The following RBFOX3 variants were observed in gnomAD, a reference collection of about 807,000 sequenced individuals.
RBFOX3 encodes the protein RNA binding fox-1 homolog 3.
Under a neutral mutation model 48.7 loss-of-function variants are expected in RBFOX3, and 17 were observed. That is an observed-to-expected ratio of 0.35 (90% CI 0.24 to 0.52). The LOEUF is 0.52. Among genes scored for constraint, RBFOX3 ranks in the 20% least tolerant of loss-of-function variants. The pLI is 0.94. For synonymous variants in RBFOX3, 212 were observed against 209.5 expected (o/e 1.01, Z -0.10); for missense variants, 382 against 497.5 (o/e 0.77, Z 2.21).
intron 4 of RBFOX3, among the ~76,000 whole-genome samples, chr17:79,190,414 C>CAAA (rs71161650): frequency 2.8e-4 from 26 of 93,518 alleles, no homozygotes; most frequent in African/African-American, 6.1e-4. Flanking sequence ...TCTGTCTCAC[C>CAAA]AAAAAAAAAA....
At chr17:79,447,839 G>A (rs760010372) in intron 2 of RBFOX3, among the ~76,000 whole-genome samples, 86 of 152,302 alleles carry the variant, frequency 5.6e-4, no homozygotes, top group Non-Finnish European at 1.0e-4. Flanking sequence ...TACCCAAATA[G>A]CATGTCAAAC....
chr17:79,129,233 T>C (rs1224482969), intron 4 of RBFOX3, among the ~76,000 whole-genome samples: 3 of 152,186 alleles, frequency 2.0e-5, no homozygotes, highest in Non-Finnish European at 4.4e-5. Flanking sequence ...TTTCATTTAA[T>C]CTTCAATGCG....
intron 2 of RBFOX3, among the ~76,000 whole-genome samples, chr17:79,462,209 G>T (rs1311332047): frequency 6.6e-6 from 1 of 152,136 alleles, no homozygotes; most frequent in Non-Finnish European, 1.5e-5. Flanking sequence ...CAAATAGTAC[G>T]TGGCCAACAA....
chr17:79,165,098 G>GC (rs1277585832), intron 4 of RBFOX3, among the ~76,000 whole-genome samples: 1 of 152,098 alleles, frequency 6.6e-6, no homozygotes, highest in Non-Finnish European at 1.5e-5. Context: ...GGAGGGGGAG[G>GC]CATGGGGAGC....
At chr17:79,318,798 T>A (rs1232274868) in intron 2 of RBFOX3, among the ~76,000 whole-genome samples, 9 of 130,590 alleles carry the variant, frequency 6.9e-5, no homozygotes, top group African/African-American at 2.7e-4. Context: ...AAGTTTGCAG[T>A]GAGCCGAGAT....
chr17:79,620,439 G>GCGCACA, the RBFOX3 span, among the ~76,000 whole-genome samples: 8 of 134,966 alleles, frequency 5.9e-5, no homozygotes, highest in Admixed American at 5.9e-4. Flanking sequence ...GTGCACACAT[G>GCGCACA]CACATGCACA....
rs1050903297 is a variant in RBFOX3, at chr17:79,198,187, G to A, written c.-34+37579C>T. ...ATCCCGGAAGTGCTACGGTTGCATC[G>A]CTGGACCATCCTCAACACTGGACCA... On this transcript the variant is annotated intron_variant, in intron 4 of 14. Transcript: ENST00000693108. This position sits in a 1 kb window ranked among gnomAD's most constrained non-coding sequence, Gnocchi z 8.2. Among the ~76,000 whole-genome samples the A allele has an allele frequency of 3.3e-5, 5 of 152,198 alleles. No individual in the cohort carries two copies. The highest frequency in any genetic ancestry group is 3.4e-3 in the Middle Eastern group (1 of 294).
intron 1 of RBFOX3, among the ~76,000 whole-genome samples, chr17:79,517,460 A>AC (rs1555783679): frequency 2.0e-5 from 3 of 150,788 alleles, no homozygotes; most frequent in African/African-American, 7.3e-5. Flanking sequence ...AAAAAAAAAA[A>AC]ACAAACAAAA....
intron 4 of RBFOX3, among the ~76,000 whole-genome samples, chr17:79,121,592 G>A (rs982325191): frequency 1.3e-5 from 2 of 152,162 alleles, no homozygotes; most frequent in Non-Finnish European, 2.9e-5. Context: ...TGTGACTGAT[G>A]TGTCCAGTCC....
chr17:79,464,068 C>A (rs1353178111), intron 2 of RBFOX3, among the ~76,000 whole-genome samples: 1 of 152,230 alleles, frequency 6.6e-6, no homozygotes, highest in Non-Finnish European at 1.5e-5. Context: ...AACCGTAAGC[C>A]CTTGGCAACC....
chr17:79,294,716 C>T (rs118165510), intron 3 of RBFOX3, among the ~76,000 whole-genome samples: 1,592 of 152,290 alleles, frequency 0.01, 21 homozygotes, highest in South Asian at 0.016. Context: ...GGCCGAACTC[C>T]GGACTGGGGG....
At chr17:79,557,293 C>G (rs1212317117) in intron 1 of RBFOX3, among the ~76,000 whole-genome samples, 1 of 151,374 alleles carries the variant, frequency 6.6e-6, no homozygotes, top group Non-Finnish European at 1.5e-5. Context: ...AGCAGGTAGC[C>G]TGGAATTCCA....
At chr17:79,174,379 ACAC>A (rs897475498) in intron 4 of RBFOX3, among the ~76,000 whole-genome samples, 57 of 151,510 alleles carry the variant, frequency 3.8e-4, no homozygotes, top group African/African-American at 1.4e-3. Flanking sequence ...GCGCACACAC[ACAC>A]ATCCACAATG....
intron 4 of RBFOX3, among the ~76,000 whole-genome samples, chr17:79,210,274 G>A (rs2147099973): frequency 6.6e-6 from 1 of 152,282 alleles, no homozygotes; most frequent in East Asian, 1.9e-4. Flanking sequence ...TTTTTTCAGA[G>A]TTGGACCCCC....
At chr17:79,107,785 C>A (rs1568142285) in intron 5 of RBFOX3, among the ~76,000 whole-genome samples, 1 of 152,234 alleles carries the variant, frequency 6.6e-6, no homozygotes, top group Non-Finnish European at 1.5e-5. Context: ...GCCAGCCTCG[C>A]AGGCTGTTTG....
intron 2 of RBFOX3, among the ~76,000 whole-genome samples, chr17:79,431,107 G>A (rs1437861003): frequency 2.0e-5 from 3 of 152,186 alleles, no homozygotes; most frequent in Admixed American, 6.5e-5. Context: ...AAGCCCGATC[G>A]GTGATCATGG....
chr17:79,483,235 A>G (rs1399203822), intron 1 of RBFOX3, among the ~76,000 whole-genome samples: 1 of 151,902 alleles, frequency 6.6e-6, no homozygotes, highest in African/African-American at 2.4e-5. Flanking sequence ...CCGTGCGCTC[A>G]TAGACAGCTT....
chr17:79,581,789 C>T (rs1252729946), intron 1 of RBFOX3, among the ~76,000 whole-genome samples: 1 of 152,232 alleles, frequency 6.6e-6, no homozygotes, highest in Admixed American at 6.5e-5. Flanking sequence ...AAGCTGGACC[C>T]AGAGGGATTT....
chr17:79,434,414 C>T (rs1204718143), intron 2 of RBFOX3, among the ~76,000 whole-genome samples: 1 of 152,194 alleles, frequency 6.6e-6, no homozygotes, highest in African/African-American at 2.4e-5. Context: ...AACTGACTTA[C>T]ACATGATGAA....
Sources: gnomAD v4.1 joint callset for allele counts (sites outside exome capture counted in the v4.1 genomes callset) on GRCh38, gnomAD v4.1.1 for gene constraint, Gnocchi (gnomAD v3.1) non-coding constraint, MANE v1.5 for transcripts, NCBI Gene and HGNC (gene_info 2026-07-23, HGNC 2026-07-21) for gene names.